CLXN: variants seen among roughly 807,000 people sequenced by gnomAD.
The protein encoded by CLXN is calaxin, also known as EF-hand calcium binding domain 1.
At chr8:48,735,231 C>T in the CLXN span, 5 of 1,520,200 alleles carry the variant, frequency 3.3e-6, no homozygotes, top group Non-Finnish European at 2.7e-6. Flanking sequence ...CCCCCGCGAG[C>T]CCTGGTGCTG....
chr8:48,714,747 T>C, the CLXN span, among the ~76,000 whole-genome samples: 1 of 152,234 alleles, frequency 6.6e-6, no homozygotes, highest in Admixed American at 6.5e-5. Flanking sequence ...ATGAATGATC[T>C]GGCAACACGT....
At chr8:48,719,191 G>C in the CLXN span, among the ~76,000 whole-genome samples, 1 of 151,982 alleles carries the variant, frequency 6.6e-6, no homozygotes. Context: ...TAAATTCCTA[G>C]AAATATACAA....
the CLXN span, among the ~76,000 whole-genome samples, chr8:48,733,638 A>C: frequency 3.1e-3 from 466 of 152,330 alleles, 4 homozygotes; most frequent in Admixed American, 5.9e-3. Flanking sequence ...ATTTCTATAG[A>C]CTTTAACTAA....
the CLXN span, chr8:48,730,599 A>G: frequency 6.2e-7 from 1 of 1,612,166 alleles, no homozygotes; most frequent in Non-Finnish European, 8.5e-7. Context: ...AATCCACTCC[A>G]ATACATTTAC....
the CLXN span, chr8:48,713,894 T>C: frequency 6.6e-6 from 1 of 152,196 alleles, no homozygotes; most frequent in Admixed American, 6.5e-5. Flanking sequence ...CTTAATTGTT[T>C]CCCAAATAGA....
the CLXN span, among the ~76,000 whole-genome samples, chr8:48,720,326 G>A: frequency 6.6e-6 from 1 of 152,116 alleles, no homozygotes; most frequent in African/African-American, 2.4e-5. Flanking sequence ...CCTATAAATG[G>A]ACATGCAAGT....
the CLXN span, among the ~76,000 whole-genome samples, chr8:48,720,137 T>C: frequency 6.6e-6 from 1 of 152,250 alleles, no homozygotes; most frequent in African/African-American, 2.4e-5. Flanking sequence ...ACCACTGTGA[T>C]AATTGTGTTA....
At chr8:48,724,748 A>G in the CLXN span, 3 of 1,610,414 alleles carry the variant, frequency 1.9e-6, no homozygotes, top group East Asian at 6.7e-5. Flanking sequence ...TTATTCACAT[A>G]TCATTGAATT....
the CLXN span, among the ~76,000 whole-genome samples, chr8:48,722,189 T>A: frequency 3.3e-5 from 5 of 152,050 alleles, no homozygotes; most frequent in African/African-American, 7.2e-5. Context: ...GATCAACAGG[T>A]CTATGAAAAA....
chr8:48,734,734 T>C, the CLXN span: 3 of 215,642 alleles, frequency 1.4e-5, no homozygotes, highest in South Asian at 1.3e-4. Flanking sequence ...ACGGTCTACC[T>C]TGGTGGTGCT....
At chr8:48,730,928 C>A in the CLXN span, among the ~76,000 whole-genome samples, 1 of 151,890 alleles carries the variant, frequency 6.6e-6, no homozygotes, top group Non-Finnish European at 1.5e-5. Flanking sequence ...ATATGTTGGT[C>A]ATATTAGATA....
At chr8:48,724,563 T>C in the CLXN span, 20 of 467,886 alleles carry the variant, frequency 4.3e-5, no homozygotes, top group East Asian at 6.9e-4. Context: ...AGGGACTTCT[T>C]GTCTTCCATC....
At chr8:48,711,711 G>C in the CLXN span, 10 of 152,312 alleles carry the variant, frequency 6.6e-5, no homozygotes, top group South Asian at 2.1e-3. Context: ...CACTCCACAG[G>C]AGTAAGTGGA....
chr8:48,734,993 C>A, the CLXN span: 1 of 1,384,022 alleles, frequency 7.2e-7, no homozygotes, highest in South Asian at 1.3e-5. Flanking sequence ...CCACAGAGTC[C>A]CAGCAGGCGG....
the CLXN span, among the ~76,000 whole-genome samples, chr8:48,731,038 A>T: frequency 6.6e-6 from 1 of 152,190 alleles, no homozygotes; most frequent in Non-Finnish European, 1.5e-5. Context: ...TCTATGATGT[A>T]AAGAATGTAA....
At chr8:48,711,228 C>G in the CLXN span, 5 of 152,210 alleles carry the variant, frequency 3.3e-5, no homozygotes, top group African/African-American at 1.2e-4. Context: ...TTGGCATCTT[C>G]TTCTTCTCTA....
At chr8:48,716,003 A>G in the CLXN span, 1 of 152,414 alleles carries the variant, frequency 6.6e-6, no homozygotes, top group Non-Finnish European at 1.5e-5. Flanking sequence ...AGTTGATGGG[A>G]CCAGGCACTG....
chr8:48,717,930 A>G, the CLXN span, among the ~76,000 whole-genome samples: 1 of 152,232 alleles, frequency 6.6e-6, no homozygotes, highest in Admixed American at 6.5e-5. Context: ...ATCAAAGAGA[A>G]AACAACTGCC....
the CLXN span, among the ~76,000 whole-genome samples, chr8:48,714,506 G>A: frequency 6.6e-6 from 1 of 152,160 alleles, no homozygotes; most frequent in Non-Finnish European, 1.5e-5. Flanking sequence ...CATCTTTTAG[G>A]TTTAAATAAT....
Sources: allele counts gnomAD v4.1 joint callset (sites outside exome capture counted in the v4.1 genomes callset), GRCh38; gene constraint gnomAD v4.1.1; transcripts MANE v1.5; gene names NCBI Gene and HGNC (gene_info 2026-07-23, HGNC 2026-07-21).